The following TMEM63C variants were observed in gnomAD, a reference collection of about 807,000 sequenced individuals.
TMEM63C encodes osmosensitive cation channel TMEM63C.
Under a neutral mutation model 99.2 loss-of-function variants are expected in TMEM63C, and 32 were observed. That is an observed-to-expected ratio of 0.32 (90% CI 0.24 to 0.43). The LOEUF is 0.43. Among genes scored for constraint, TMEM63C ranks in the 20% least tolerant of loss-of-function variants. The pLI is 1.00. For synonymous variants in TMEM63C, 376 were observed against 397.9 expected (o/e 0.94, Z 0.66); for missense variants, 826 against 1,053.0 (o/e 0.78, Z 2.98).
rs1888757039 is a variant in TMEM63C at position 77,223,212 on chromosome 14, T to G, written c.313-2212T>G. On this transcript the variant is annotated intron_variant, in intron 5 of 23. Coordinates refer to ENST00000298351, the MANE Select transcript of TMEM63C (RefSeq NM_020431.4). ...GGAAATATCACTTTGATTTTTTTTT[T>G]CTTGTTACAATGACAAAAAAAGTTT... 2.0e-5 allele frequency among the ~76,000 whole-genome samples: 3 copies of G among 151,136 alleles called. No homozygotes were observed. The South Asian group carries it at 6.2e-4, about 31-fold the overall frequency.
intron 2 of TMEM63C, among the ~76,000 whole-genome samples, chr14:77,213,877 T>C (rs994284233): frequency 1.3e-5 from 2 of 152,156 alleles, no homozygotes; most frequent in African/African-American, 4.8e-5. Context: ...TTAGGGGAAC[T>C]GAGAAAGACA....
At chr14:77,199,746 G>A (rs538512901) in intron 1 of TMEM63C, among the ~76,000 whole-genome samples, 15 of 152,256 alleles carry the variant, frequency 9.9e-5, no homozygotes, top group South Asian at 4.1e-4. Context: ...GAAGTGCTCC[G>A]GGCAGGGCCT....
intron 5 of TMEM63C, among the ~76,000 whole-genome samples, chr14:77,224,583 C>G (rs558576596): frequency 6.6e-6 from 1 of 152,084 alleles, no homozygotes; most frequent in African/African-American, 2.4e-5. Flanking sequence ...TCTTACACAC[C>G]GTTCCAAAGA....
rs1400178079 is a variant in TMEM63C at position 77,248,225 on chromosome 14, T to A, written c.1602-122T>A. 1.6e-5 allele frequency: 13 copies of A among 794,836 alleles called. No homozygotes were observed. The East Asian group carries it at 3.5e-4, about 21-fold the overall frequency. The allele number at this position is 794,836 out of a possible 1,614,324, so 49.2% of individuals were successfully genotyped here. A position where few individuals can be genotyped will look rare whatever the true frequency, so the allele number is the denominator to read the frequency against. On this transcript the variant is annotated intron_variant, in intron 18 of 23. Coordinates refer to ENST00000298351, the MANE Select transcript of TMEM63C (RefSeq NM_020431.4). ...GAGAGGAAATGTTATTCTCCTTGTC[T>A]GTATCTGTATCTCCACTCCGATTCC... is the stretch of plus-strand genomic sequence containing the variant.
At chr14:77,222,403 GA>G (rs1888740874) in intron 5 of TMEM63C, among the ~76,000 whole-genome samples, 1 of 152,172 alleles carries the variant, frequency 6.6e-6, no homozygotes, top group Non-Finnish European at 1.5e-5. Context: ...CTCTTGCCTG[GA>G]CAACTGCAGT....
chr14:77,242,603 C>G (rs991508800), intron 14 of TMEM63C, 134 bp downstream of exon 14: 30 of 1,249,982 alleles, frequency 2.4e-5, no homozygotes, highest in Non-Finnish European at 3.4e-5. Context: ...CTCTCCTAAG[C>G]ACCACAACCT....
intron 8 of TMEM63C, among the ~76,000 whole-genome samples, chr14:77,234,306 G>A (rs957640989): frequency 3.9e-5 from 6 of 151,968 alleles, no homozygotes; most frequent in African/African-American, 1.5e-4. Context: ...GAGCAGACTG[G>A]CTTAACCCAA....
chr14:77,249,593 T>A, intron 21 of TMEM63C, 135 bp downstream of exon 21: 2 of 965,302 alleles, frequency 2.1e-6, no homozygotes, highest in Non-Finnish European at 1.5e-6. Flanking sequence ...CCACACCCAG[T>A]GACTTCTCTG....
chr14:77,228,341 C>A (rs1343692682), intron 6 of TMEM63C, among the ~76,000 whole-genome samples: 2 of 152,116 alleles, frequency 1.3e-5, no homozygotes, highest in Non-Finnish European at 1.5e-5. Flanking sequence ...CCTCACCCCG[C>A]CTCAGGCAGT....
intron 1 of TMEM63C, among the ~76,000 whole-genome samples, chr14:77,187,322 C>G (rs72725320): frequency 0.049 from 7,461 of 152,286 alleles, 209 homozygotes; most frequent in Middle Eastern, 0.11. Context: ...AAGAGAAGGT[C>G]GTGCGTTTCT....
At chr14:77,209,627 G>A (rs563269288) in intron 1 of TMEM63C, among the ~76,000 whole-genome samples, 41 of 152,284 alleles carry the variant, frequency 2.7e-4, no homozygotes, top group African/African-American at 9.6e-4. Context: ...TAAAGAGGGT[G>A]GGAACAAGGT....
intron 14 of TMEM63C, 62 bp from the exon 15 acceptor site, chr14:77,242,841 C>T (rs1889202711): frequency 1.9e-6 from 3 of 1,598,492 alleles, no homozygotes; most frequent in Non-Finnish European, 2.6e-6. Flanking sequence ...CTGCAGCAAA[C>T]AGCACGTGGG....
At chr14:77,216,026 C>T (rs1888578648) in intron 2 of TMEM63C, among the ~76,000 whole-genome samples, 1 of 151,788 alleles carries the variant, frequency 6.6e-6, no homozygotes, top group Non-Finnish European at 1.5e-5. Flanking sequence ...TTTGGCTGGG[C>T]GCAGTGGCTC....
At chr14:77,219,049 G>T in intron 3 of TMEM63C, 86 bp downstream of exon 3, 1 of 1,354,538 alleles carries the variant, frequency 7.4e-7, no homozygotes, top group Non-Finnish European at 9.7e-7. Flanking sequence ...GGACCCAGTT[G>T]TCCAAATGGA....
In TMEM63C at chr14:77,218,871, G is replaced by T; in HGVS notation, c.58G>T (p.Asp20Tyr). Residue 20 changes from aspartate (D) to tyrosine (Y), a missense_variant, in exon 3 of 24, where the codon GAT (aspartate) becomes TAT (tyrosine). Coordinates refer to ENST00000298351, the MANE Select transcript of TMEM63C (RefSeq NM_020431.4). Reference sequence around the variant, plus strand: ...GGGAAGGTTACAGAACATGACAGTGGATGAATGCTTCCAGTCTCGGAACAC... The same window carrying T: ...GGGAAGGTTACAGAACATGACAGTGTATGAATGCTTCCAGTCTCGGAACAC... ...TGGRLQNMTVDECFQSRNTVL... is the reference protein window; with the variant it reads ...TGGRLQNMTVYECFQSRNTVL... 1 of 1,613,716 alleles carries T rather than the reference G, an allele frequency of 6.2e-7. No homozygotes were observed. The highest frequency in any genetic ancestry group is 8.5e-7 in the Non-Finnish European group (1 of 1,179,800).
chr14:77,239,579 TCTC>T, intron 11 of TMEM63C, 21 bp from the exon 12 acceptor site: 3 of 1,613,210 alleles, frequency 1.9e-6, no homozygotes, highest in Non-Finnish European at 2.5e-6. Context: ...TGCAGGTCCT[TCTC>T]CTGTTGCCCA....
At chr14:77,246,899 T>C (rs1261745508) in intron 18 of TMEM63C, among the ~76,000 whole-genome samples, 1 of 152,218 alleles carries the variant, frequency 6.6e-6, no homozygotes, top group Non-Finnish European at 1.5e-5. Context: ...GAAATAATTG[T>C]ATAGTCACAG....
chr14:77,236,102 C>A (rs188186420), intron 8 of TMEM63C, among the ~76,000 whole-genome samples: 1 of 2,974 alleles, frequency 3.4e-4, no homozygotes, highest in Non-Finnish European at 6.6e-4. Flanking sequence ...TGGGTGGGGG[C>A]ATGGGGAGAC....
intron 23 of TMEM63C, among the ~76,000 whole-genome samples, chr14:77,254,043 A>C (rs1889420868): frequency 6.6e-6 from 1 of 152,200 alleles, no homozygotes; most frequent in African/African-American, 2.4e-5. Context: ...AGCTCTGAAG[A>C]AGGGTGCCAG....
Sources: gnomAD v4.1 joint callset for allele counts (sites outside exome capture counted in the v4.1 genomes callset) on GRCh38, gnomAD v4.1.1 for gene constraint, MANE v1.5 for transcripts, NCBI Gene and HGNC (gene_info 2026-07-23, HGNC 2026-07-21) for gene names.